Variants in CLASP1 observed in about 807,000 individuals in gnomAD.
CLASP1 encodes the protein cytoplasmic linker associated protein 1.
CLASP1 carries 38 observed loss-of-function variants against 192.3 expected under a neutral mutation model. That is an observed-to-expected ratio of 0.20 (90% CI 0.15 to 0.26). The LOEUF (loss-of-function observed/expected upper bound fraction) is 0.26. Among genes scored for constraint, CLASP1 ranks in the 10% least tolerant of loss-of-function variants. The pLI is 1.00. For synonymous variants in CLASP1, 691 were observed against 712.8 expected (o/e 0.97, Z 0.49); for missense variants, 1,433 against 1,932.5 (o/e 0.74, Z 4.85).
intron 26 of CLASP1, chr2:121,403,908 G>T: frequency 2.3e-6 from 1 of 436,848 alleles, no homozygotes; most frequent in South Asian, 1.6e-5. Flanking sequence ...AAATAACCTG[G>T]TTTATCAATA....
chr2:121,509,052 T>C (rs564669852), intron 7 of CLASP1, among the ~76,000 whole-genome samples: 1 of 152,312 alleles, frequency 6.6e-6, no homozygotes, highest in East Asian at 1.9e-4. Context: ...GAAACTTCAA[T>C]ATGTACATTC....
chr2:121,479,056 CCACA>C (rs1175265144), intron 8 of CLASP1, among the ~76,000 whole-genome samples: 1 of 101,210 alleles, frequency 9.9e-6, no homozygotes, highest in African/African-American at 4.5e-5. Flanking sequence ...CACCCCCCCC[CCACA>C]CACACACACA....
chr2:121,339,118 AAC>A (rs1158228021), exon 40 of CLASP1: 3 of 141,206 alleles, frequency 2.1e-5, no homozygotes, highest in Non-Finnish European at 4.5e-5. Context: ...TGCACGCACA[AAC>A]ACACACAACA....
chr2:121,535,345 G>A (rs1241071330), intron 2 of CLASP1, among the ~76,000 whole-genome samples: 5 of 152,118 alleles, frequency 3.3e-5, no homozygotes, highest in Non-Finnish European at 7.4e-5. Flanking sequence ...AAAAACACAT[G>A]ATTAAAGTTT....
intron 8 of CLASP1, among the ~76,000 whole-genome samples, chr2:121,485,768 T>C (rs1342264342): frequency 6.6e-6 from 1 of 151,982 alleles, no homozygotes; most frequent in East Asian, 1.9e-4. Context: ...ACTACAGGCA[T>C]GGTCCACCAC....
At chr2:121,492,903 T>C (rs1245051955) in intron 8 of CLASP1, among the ~76,000 whole-genome samples, 6 of 152,122 alleles carry the variant, frequency 3.9e-5, no homozygotes, top group South Asian at 2.1e-4. Flanking sequence ...CTATTCACAA[T>C]AGACAAAGGT....
chr2:121,381,615 T>G (rs1038724634), intron 33 of CLASP1, among the ~76,000 whole-genome samples: 1 of 152,214 alleles, frequency 6.6e-6, no homozygotes, highest in Admixed American at 6.5e-5. Context: ...TGGGGGTGCG[T>G]GAAGGGACTG....
At chr2:121,413,441 T>C (rs747780087) in intron 23 of CLASP1, among the ~76,000 whole-genome samples, 3 of 152,168 alleles carry the variant, frequency 2.0e-5, no homozygotes, top group Non-Finnish European at 2.9e-5. Flanking sequence ...TGTTAGCATA[T>C]AAAAATAGTG....
chr2:121,548,575 C>T (rs945638286), intron 2 of CLASP1, among the ~76,000 whole-genome samples: 1 of 152,032 alleles, frequency 6.6e-6, no homozygotes, highest in Non-Finnish European at 1.5e-5. Context: ...CTGCAAGATG[C>T]TACACATGAA....
At chr2:121,465,674 A>G (rs1287386387) in intron 9 of CLASP1, among the ~76,000 whole-genome samples, 1 of 152,118 alleles carries the variant, frequency 6.6e-6, no homozygotes, top group Non-Finnish European at 1.5e-5. Flanking sequence ...AAACTACTTT[A>G]AAGTTCATAT....
intron 37 of CLASP1, among the ~76,000 whole-genome samples, chr2:121,359,216 T>C (rs2065914695): frequency 6.6e-6 from 1 of 152,234 alleles, no homozygotes; most frequent in Non-Finnish European, 1.5e-5. Context: ...CTGAGAACAG[T>C]TTTATGTAGC....
Position 121,490,814 on chromosome 2 carries a change from T to C in CLASP1, c.712+12353A>G, listed in dbSNP as rs146118930. ...TGTATTCGTGACTATGGAAACACTT[T>C]CCTAAGATACTGAACCACTATCCCA... On this transcript the variant is annotated intron_variant, in intron 8 of 39. Coordinates refer to ENST00000263710, the Ensembl canonical transcript of CLASP1. Among the ~76,000 whole-genome samples the C allele has an allele frequency of 1.5e-3, 232 of 152,312 alleles. 1 individual carries two copies. The highest frequency in any genetic ancestry group is 0.014 in the Admixed American group (209 of 15,294).
chr2:121,619,195 G>A (rs1185292584), intron 1 of CLASP1, among the ~76,000 whole-genome samples: 2 of 152,110 alleles, frequency 1.3e-5, no homozygotes, highest in Non-Finnish European at 2.9e-5. Flanking sequence ...ACATTAAAAA[G>A]GCAGGTCACC....
chr2:121,585,203 A>G (rs148677680), intron 2 of CLASP1, among the ~76,000 whole-genome samples: 3 of 152,234 alleles, frequency 2.0e-5, no homozygotes, highest in African/African-American at 7.2e-5. Context: ...CTTTTCAATT[A>G]TAAATTGCCT....
chr2:121,341,330 C>T (rs926176331), intron 39 of CLASP1, among the ~76,000 whole-genome samples: 1 of 152,206 alleles, frequency 6.6e-6, no homozygotes. Context: ...AGGGTGAGAA[C>T]CCCGCTCCAC....
chr2:121,363,612 C>T (rs966329193), intron 36 of CLASP1, among the ~76,000 whole-genome samples: 1 of 152,236 alleles, frequency 6.6e-6, no homozygotes, highest in Non-Finnish European at 1.5e-5. Context: ...TACCTAAGTT[C>T]ATTATCAGTT....
chr2:121,503,301 C>T (rs2093822508), intron 7 of CLASP1, 67 bp from the exon 8 acceptor site: 6 of 946,304 alleles, frequency 6.3e-6, no homozygotes, highest in Non-Finnish European at 9.9e-6. Context: ...TATTAAAATG[C>T]TAATGTGAAG....
At chr2:121,525,958 T>A in intron 5 of CLASP1, 38 bp from the exon 6 acceptor site, 2 of 1,501,276 alleles carry the variant, frequency 1.3e-6, no homozygotes, top group Non-Finnish European at 9.2e-7. Flanking sequence ...TAGTGAGAAC[T>A]GAGGAAAGAA....
exon 40 of CLASP1, chr2:121,339,278 G>C (rs1159951925): frequency 6.6e-6 from 1 of 152,326 alleles, no homozygotes; most frequent in Non-Finnish European, 1.5e-5. Context: ...CAATGCAGAG[G>C]GTCAGGGCAG....
Sources: gnomAD v4.1 joint callset for allele counts (sites outside exome capture counted in the v4.1 genomes callset) on GRCh38, gnomAD v4.1.1 for gene constraint, MANE v1.5 for transcripts, NCBI Gene and HGNC (gene_info 2026-07-23, HGNC 2026-07-21) for gene names.